SDC2: variants seen among roughly 807,000 people sequenced by gnomAD.
The protein encoded by SDC2 is syndecan-2.
SDC2 carries 13 observed loss-of-function variants against 22.2 expected under a neutral mutation model. That is an observed-to-expected ratio of 0.59 (90% CI 0.38 to 0.93). SDC2 has a LOEUF of 0.93. SDC2 is among the 40% of genes least tolerant of loss of function. SDC2 has a pLI of 0.00. For synonymous variants in SDC2, 94 were observed against 92.8 expected, an observed-to-expected ratio of 1.01 and a Z score of -0.07; for missense variants, 235 against 246.8, an observed-to-expected ratio of 0.95 and a Z score of 0.32.
chr8:96,591,287 T>G (rs368694207), intron 1 of SDC2, among the ~76,000 whole-genome samples: 4 of 152,328 alleles, frequency 2.6e-5, no homozygotes, highest in African/African-American at 4.8e-5. Flanking sequence ...AATATTTTGC[T>G]TACTTTTAAG....
chr8:96,596,554 G>A (rs1199742218), intron 2 of SDC2, among the ~76,000 whole-genome samples: 1 of 152,240 alleles, frequency 6.6e-6, no homozygotes, highest in African/African-American at 2.4e-5. Flanking sequence ...GTCTCTGTCT[G>A]TAGGGGACCA....
At chr8:96,541,438 C>T (rs564011284) in intron 1 of SDC2, among the ~76,000 whole-genome samples, 16 of 142,148 alleles carry the variant, frequency 1.1e-4, no homozygotes, top group South Asian at 1.1e-3. Context: ...ACCCGGGAGG[C>T]GGAGGTTGCA....
At chr8:96,564,473 T>TG (rs1439296003) in intron 1 of SDC2, among the ~76,000 whole-genome samples, 3 of 152,220 alleles carry the variant, frequency 2.0e-5, no homozygotes, top group Non-Finnish European at 4.4e-5. Flanking sequence ...TCATTGCACT[T>TG]GCATTTTGCT....
intron 1 of SDC2, among the ~76,000 whole-genome samples, chr8:96,532,283 A>G (rs1164864359): frequency 1.3e-5 from 2 of 152,126 alleles, no homozygotes; most frequent in East Asian, 3.8e-4. Flanking sequence ...TCCAGGTATA[A>G]ACAAGACCCA....
At chr8:96,511,065 G>A (rs1003945428) in intron 1 of SDC2, among the ~76,000 whole-genome samples, 1 of 152,118 alleles carries the variant, frequency 6.6e-6, no homozygotes, top group African/African-American at 2.4e-5. Flanking sequence ...GAGATTCTGG[G>A]CCTCTCTGCA....
At chr8:96,551,106 G>A (rs1484969774) in intron 1 of SDC2, among the ~76,000 whole-genome samples, 1 of 152,196 alleles carries the variant, frequency 6.6e-6, no homozygotes, top group Non-Finnish European at 1.5e-5. Flanking sequence ...TCCCTGGGGA[G>A]TTCTGCCTGG....
chr8:96,608,671 G>A (rs113132933), intron 4 of SDC2, among the ~76,000 whole-genome samples: 12 of 152,318 alleles, frequency 7.9e-5, no homozygotes, highest in South Asian at 2.1e-4. Flanking sequence ...CTACCTCTTC[G>A]CCAGCCATCG....
chr8:96,550,023 A>G (rs1298214573), intron 1 of SDC2, among the ~76,000 whole-genome samples: 1 of 152,230 alleles, frequency 6.6e-6, no homozygotes, highest in Non-Finnish European at 1.5e-5. Context: ...GGTGGTGTAT[A>G]GTACTTCCAG....
intron 1 of SDC2, among the ~76,000 whole-genome samples, chr8:96,539,292 A>T (rs889269973): frequency 6.6e-6 from 1 of 152,226 alleles, no homozygotes; most frequent in Non-Finnish European, 1.5e-5. Flanking sequence ...ACCCATCTAC[A>T]TGTGAATGAG....
At chr8:96,565,621 A>G (rs1219616513) in intron 1 of SDC2, among the ~76,000 whole-genome samples, 1 of 152,130 alleles carries the variant, frequency 6.6e-6, no homozygotes, top group Non-Finnish European at 1.5e-5. Context: ...TGCTTCAATA[A>G]CTATAGTACT....
chr8:96,534,935 A>G (rs1031976401), intron 1 of SDC2, among the ~76,000 whole-genome samples: 3 of 151,882 alleles, frequency 2.0e-5, no homozygotes, highest in African/African-American at 4.8e-5. Context: ...TTTTTCTTCT[A>G]TCACAAATAG....
intron 1 of SDC2, among the ~76,000 whole-genome samples, chr8:96,525,884 G>C (rs1813569602): frequency 6.6e-6 from 1 of 152,150 alleles, no homozygotes; most frequent in Admixed American, 6.5e-5. Context: ...AAAAGGGTCT[G>C]GGACGACATT....
intron 1 of SDC2, among the ~76,000 whole-genome samples, chr8:96,534,185 T>C (rs2440679): frequency 0.44 from 66,886 of 152,038 alleles, 16,574 homozygotes; most frequent in African/African-American, 0.68. Context: ...CCTGCCTGTG[T>C]TTCTCCCTCC....
At chr8:96,561,967 G>A (rs1434605695) in intron 1 of SDC2, among the ~76,000 whole-genome samples, 2 of 152,268 alleles carry the variant, frequency 1.3e-5, no homozygotes, top group East Asian at 3.9e-4. Context: ...CCTCTTGACA[G>A]TGTCTTTCCC....
At position 96,608,204 on chromosome 8, in the gene SDC2, T is replaced by C. The variant is rs191141569; in HGVS notation, c.307-131T>C. 1.1e-4 allele frequency: 84 copies of C among 770,038 alleles called. No homozygotes were observed. In the African/African-American group the frequency reaches 1.3e-3, roughly 12 times the overall value. 47.7% of individuals were successfully genotyped at this position (770,038 alleles called of 1,614,324 possible). A position where few individuals can be genotyped will look rare whatever the true frequency, so the allele number is the denominator to read the frequency against. On this transcript the variant is annotated intron_variant, in intron 3 of 4. Transcript: ENST00000302190. ...CCCATTGCTATAAACATCACACAAG[T>C]GATTATTCCAGTTATTTCCTAAACT...
intron 2 of SDC2, among the ~76,000 whole-genome samples, chr8:96,599,623 G>A (rs551883319): frequency 4.6e-4 from 70 of 151,978 alleles, no homozygotes; most frequent in South Asian, 1.0e-3. Flanking sequence ...ATGTACCTTC[G>A]TGGGTTAGTT....
chr8:96,524,597 C>G (rs539542715), intron 1 of SDC2, among the ~76,000 whole-genome samples: 1 of 152,276 alleles, frequency 6.6e-6, no homozygotes, highest in Non-Finnish European at 1.5e-5. Flanking sequence ...TCTCCTTGGG[C>G]AAGCAGTGGG....
At chr8:96,596,213 CG>C (rs1814873596) in intron 2 of SDC2, among the ~76,000 whole-genome samples, 1 of 152,104 alleles carries the variant, frequency 6.6e-6, no homozygotes, top group South Asian at 2.1e-4. Flanking sequence ...GGGAGTTGGG[CG>C]TGAGAGTGTG....
chr8:96,523,378 G>A (rs758448313), intron 1 of SDC2, among the ~76,000 whole-genome samples: 8 of 152,144 alleles, frequency 5.3e-5, no homozygotes, highest in Non-Finnish European at 5.9e-5. Flanking sequence ...TATGAATATC[G>A]CATATTTGAA....
Sources: allele counts gnomAD v4.1 joint callset (sites outside exome capture counted in the v4.1 genomes callset), GRCh38; gene constraint gnomAD v4.1.1; transcripts MANE v1.5; gene names NCBI Gene and HGNC (gene_info 2026-07-23, HGNC 2026-07-21).